The following HEATR5B variants were observed in gnomAD, a reference collection of about 807,000 sequenced individuals.
HEATR5B encodes HEAT repeat containing 5B.
In HEATR5B, 156 loss-of-function variants were observed where a neutral mutation model predicts 224.1. That is an observed-to-expected ratio of 0.70 (90% CI 0.61 to 0.80). The LOEUF (loss-of-function observed/expected upper bound fraction) is 0.80. HEATR5B is among the 30% of genes least tolerant of loss of function. The pLI is 0.00. For missense variants in HEATR5B, 2,323 were observed against 2,535.5 expected (o/e 0.92, Z 1.80); for synonymous variants, 1,027 against 893.0 (o/e 1.15, Z -2.68).
At chr2:37,081,645 TC>T (rs1672576741) in intron 2 of HEATR5B, among the ~76,000 whole-genome samples, 1 of 152,096 alleles carries the variant, frequency 6.6e-6, no homozygotes, top group Non-Finnish European at 1.5e-5. Context: ...GCAGAAAGAA[TC>T]CTCTTCTTCA....
intron 18 of HEATR5B, among the ~76,000 whole-genome samples, chr2:37,047,961 T>C (rs149233485): frequency 1.3e-5 from 2 of 152,132 alleles, no homozygotes; most frequent in Non-Finnish European, 2.9e-5. Context: ...TGACATTTCA[T>C]ACAGAATTTC....
At chr2:37,034,273 T>C (rs1669329524) in intron 21 of HEATR5B, among the ~76,000 whole-genome samples, 1 of 149,328 alleles carries the variant, frequency 6.7e-6, no homozygotes, top group Admixed American at 6.6e-5. Flanking sequence ...CCCAAAGTGC[T>C]GGGATTACAG....
At chr2:36,984,237 T>TATATATATAAAA (rs1217602304) in intron 35 of HEATR5B, among the ~76,000 whole-genome samples, 2 of 112,040 alleles carry the variant, frequency 1.8e-5, no homozygotes, top group African/African-American at 6.5e-5. Context: ...TATATATATA[T>TATATATATAAAA]AAAACTGGAA....
intron 22 of HEATR5B, 32 bp from the exon 23 acceptor site, chr2:37,028,952 T>C (rs751305380): frequency 3.1e-6 from 5 of 1,607,954 alleles, no homozygotes; most frequent in East Asian, 2.2e-5. Flanking sequence ...TGAATTTGTA[T>C]GGTATTTTGG....
At chr2:37,067,393 AG>A (rs1217578984) in intron 8 of HEATR5B, among the ~76,000 whole-genome samples, 2 of 152,234 alleles carry the variant, frequency 1.3e-5, no homozygotes, top group Non-Finnish European at 2.9e-5. Context: ...TGACTATTTT[AG>A]CATATTTAAG....
At chr2:37,028,539 G>C (rs1668922472) in intron 23 of HEATR5B, 142 bp downstream of exon 23, 1 of 621,278 alleles carries the variant, frequency 1.6e-6, no homozygotes, top group Non-Finnish European at 2.6e-6. Context: ...TCAACATTTT[G>C]ACAGAGATTT....
intron 33 of HEATR5B, among the ~76,000 whole-genome samples, chr2:36,992,801 T>C (rs1035573660): frequency 5.9e-5 from 9 of 152,112 alleles, no homozygotes; most frequent in African/African-American, 1.9e-4. Context: ...CATAACTCAC[T>C]GCAGCCTTGA....
intron 15 of HEATR5B, among the ~76,000 whole-genome samples, chr2:37,056,874 T>C (rs2540994): frequency 0.052 from 7,849 of 152,300 alleles, 688 homozygotes; most frequent in African/African-American, 0.18. Flanking sequence ...GTGAACAATA[T>C]ACACAAGATC....
At chr2:37,015,206 G>A (rs1480608186) in intron 26 of HEATR5B, among the ~76,000 whole-genome samples, 1 of 152,130 alleles carries the variant, frequency 6.6e-6, no homozygotes, top group Non-Finnish European at 1.5e-5. Context: ...ATGTGATTAG[G>A]AAAGTTAATT....
chr2:37,018,353 G>A (rs1202822657), intron 26 of HEATR5B, among the ~76,000 whole-genome samples: 1 of 152,198 alleles, frequency 6.6e-6, no homozygotes, highest in East Asian at 1.9e-4. Context: ...ACGTCATCAT[G>A]ATACACTTAT....
At chr2:37,042,522 G>C (rs374016053) in intron 18 of HEATR5B, among the ~76,000 whole-genome samples, 1 of 152,220 alleles carries the variant, frequency 6.6e-6, no homozygotes, top group African/African-American at 2.4e-5. Flanking sequence ...TGAAATCACC[G>C]ATGCTTTACG....
intron 32 of HEATR5B, among the ~76,000 whole-genome samples, 199 bp from the exon 33 acceptor site, chr2:37,001,012 A>G (rs531158803): frequency 6.6e-6 from 1 of 152,340 alleles, no homozygotes; most frequent in Admixed American, 6.5e-5. Context: ...TATTTCAAAG[A>G]CAGAATTGGT....
At position 37,059,446 on chromosome 2, in the gene HEATR5B, G is replaced by GTGTA. The variant is rs1354982525; in HGVS notation, c.1850-460_1850-459insTACA. Among the ~76,000 whole-genome samples the GTGTA allele has an allele frequency of 1.7e-3, 72 of 42,298 alleles. 3 individuals are homozygous for GTGTA. The highest frequency in any genetic ancestry group is 3.0e-3 in the African/African-American group (38 of 12,494). 27.7% of individuals were successfully genotyped at this position (42,298 alleles called of 152,430 possible). Reference sequence around the variant, plus strand: ...TGTGTGTGTGTGTGTGTGTGTGTGTGTATATATATATATATATATTTTTTT... The same window carrying GTGTA: ...TGTGTGTGTGTGTGTGTGTGTGTGTGTGTATATATATATATATATATATTTTTTT... On this transcript the variant is annotated intron_variant, in intron 12 of 35. Transcript: ENST00000233099.
At chr2:36,990,110 T>C (rs1666226371) in intron 34 of HEATR5B, among the ~76,000 whole-genome samples, 1 of 151,748 alleles carries the variant, frequency 6.6e-6, no homozygotes, top group South Asian at 2.1e-4. Context: ...CACTACAGGC[T>C]GGTCTCGAAC....
chr2:37,012,711 G>T lies in HEATR5B; in HGVS notation c.4284+1130C>A, dbSNP rs140934154. ...GGCCTAGGGCGCAGTTTTAGAGGAT[G>T]TACAGAGGAAGGTGCTGAAGACACA... On this transcript the variant is annotated intron_variant, in intron 27 of 35. Transcript: ENST00000233099. Among the ~76,000 whole-genome samples the T allele has an allele frequency of 7.2e-5, 11 of 152,280 alleles. No individual in the cohort carries two copies. In the East Asian group the frequency reaches 1.9e-3, roughly 27 times the overall value.
intron 2 of HEATR5B, among the ~76,000 whole-genome samples, chr2:37,082,108 C>G (rs1271000832): frequency 9.3e-6 from 1 of 107,438 alleles, no homozygotes; most frequent in African/African-American, 3.5e-5. Context: ...TCACTCTTGT[C>G]CCCCGGGCTG....
intron 27 of HEATR5B, among the ~76,000 whole-genome samples, chr2:37,010,734 A>C (rs771151424): frequency 5.1e-4 from 77 of 152,088 alleles, no homozygotes; most frequent in Middle Eastern, 6.8e-3. Context: ...GGCTGGTCTC[A>C]AACTCCTGAC....
intron 33 of HEATR5B, among the ~76,000 whole-genome samples, chr2:37,000,179 G>A (rs1162045340): frequency 2.6e-5 from 4 of 151,856 alleles, no homozygotes; most frequent in African/African-American, 7.3e-5. Context: ...CCGGGTTCAA[G>A]CAATTCTCCT....
intron 26 of HEATR5B, among the ~76,000 whole-genome samples, chr2:37,017,045 A>G (rs1668160197): frequency 6.6e-6 from 1 of 152,218 alleles, no homozygotes; most frequent in Admixed American, 6.5e-5. Flanking sequence ...TGGTAGAAAT[A>G]TAACTAAAAA....
Sources: gnomAD v4.1 joint callset for allele counts (sites outside exome capture counted in the v4.1 genomes callset) on GRCh38, gnomAD v4.1.1 for gene constraint, MANE v1.5 for transcripts, NCBI Gene and HGNC (gene_info 2026-07-23, HGNC 2026-07-21) for gene names.